The following PXDNL variants were observed in gnomAD, a reference collection of about 807,000 sequenced individuals.
The protein encoded by PXDNL is peroxidasin like, also known as probable oxidoreductase PXDNL.
PXDNL carries 145 observed loss-of-function variants against 150.8 expected under a neutral mutation model. The ratio of observed to expected loss-of-function variants is 0.96; its 90% confidence interval spans 0.84 to 1.10. The LOEUF is 1.10. PXDNL is among the 50% of genes least tolerant of loss of function. The pLI is 0.00. For synonymous variants in PXDNL, 757 were observed against 725.7 expected (o/e 1.04, Z -0.69); for missense variants, 2,087 against 1,873.9 (o/e 1.11, Z -2.10).
chr8:51,670,909 CT>C (rs1815486666), intron 1 of PXDNL, among the ~76,000 whole-genome samples: 1 of 152,166 alleles, frequency 6.6e-6, no homozygotes, highest in South Asian at 2.1e-4. Context: ...CTTAATAATT[CT>C]TACCGATATC....
At chr8:51,578,861 A>T (rs1035482837) in intron 3 of PXDNL, among the ~76,000 whole-genome samples, 3 of 152,028 alleles carry the variant, frequency 2.0e-5, no homozygotes, top group African/African-American at 7.2e-5. Context: ...AGTGGAGGAA[A>T]GAAAGCATCT....
intron 19 of PXDNL, among the ~76,000 whole-genome samples, chr8:51,360,432 A>G (rs1806690925): frequency 6.6e-6 from 1 of 152,220 alleles, no homozygotes; most frequent in African/African-American, 2.4e-5. Context: ...TCATACGTGC[A>G]CATAGCTATA....
intron 2 of PXDNL, among the ~76,000 whole-genome samples, chr8:51,610,552 A>G (rs1554557916): frequency 1.3e-5 from 2 of 152,130 alleles, no homozygotes; most frequent in Non-Finnish European, 2.9e-5. Flanking sequence ...TTAATTTTCT[A>G]TTGCTATATA....
intron 1 of PXDNL, among the ~76,000 whole-genome samples, chr8:51,680,696 G>A (rs1815726004): frequency 6.6e-6 from 1 of 152,172 alleles, no homozygotes; most frequent in South Asian, 2.1e-4. Context: ...CCTGCAGCCG[G>A]GTGGCCAGAC....
chr8:51,460,852 G>A (rs1322322887), intron 8 of PXDNL, among the ~76,000 whole-genome samples: 2 of 152,148 alleles, frequency 1.3e-5, no homozygotes, highest in African/African-American at 2.4e-5. Flanking sequence ...GACCATAGGT[G>A]CCCATGCCCC....
Position 51,472,237 on chromosome 8 carries a change from G to C in PXDNL, c.762C>G (p.Thr254=). The change falls in exon 8 of 23, where the codon ACC becomes ACG. Residue 254 remains threonine, a synonymous_variant. Transcript: ENST00000356297. ...GTTTGGGGTTTCCTTCCGCCCGGCA[G>C]GTGAAGTAGACGGTATTTCCTGATG... ...EVPSGNTVYF[T]CRAEGNPKPE... 1 of 1,613,826 alleles carries C rather than the reference G, an allele frequency of 6.2e-7. No homozygotes were observed. The highest frequency in any genetic ancestry group is 8.5e-7 in the Non-Finnish European group (1 of 1,179,794).
intron 1 of PXDNL, among the ~76,000 whole-genome samples, chr8:51,756,785 TTTTAA>T (rs1027030007): frequency 4.6e-5 from 7 of 152,040 alleles, no homozygotes; most frequent in East Asian, 3.8e-4. Flanking sequence ...TTCTAGATAG[TTTTAA>T]TTTGTTTTTT....
chr8:51,596,829 T>C (rs1273772005), intron 2 of PXDNL, among the ~76,000 whole-genome samples: 2 of 152,166 alleles, frequency 1.3e-5, no homozygotes, highest in African/African-American at 4.8e-5. Context: ...GCACAGTTTG[T>C]AGATATTTTC....
chr8:51,623,207 G>T (rs113047328), intron 2 of PXDNL, among the ~76,000 whole-genome samples: 55 of 152,154 alleles, frequency 3.6e-4, no homozygotes, highest in African/African-American at 1.3e-3. Context: ...TGGAGAAAGC[G>T]ATTCCCCAGG....
chr8:51,334,145 T>C (rs1161478361), intron 21 of PXDNL, among the ~76,000 whole-genome samples: 3 of 96,128 alleles, frequency 3.1e-5, no homozygotes, highest in Non-Finnish European at 7.3e-5. Context: ...GGAATAAAAT[T>C]GGAAATCAAT....
intron 19 of PXDNL, among the ~76,000 whole-genome samples, chr8:51,348,740 C>T (rs1217270727): frequency 6.6e-6 from 1 of 152,058 alleles, no homozygotes; most frequent in Non-Finnish European, 1.5e-5. Context: ...TGAAACTTTA[C>T]AATAACCTAT....
intron 5 of PXDNL, among the ~76,000 whole-genome samples, chr8:51,485,304 TA>T (rs1247461036): frequency 6.6e-6 from 1 of 152,176 alleles, no homozygotes; most frequent in African/African-American, 2.4e-5. Context: ...CGGCCCCATC[TA>T]ATTTACCCAA....
At chr8:51,800,301 T>C (rs1337998689) in intron 1 of PXDNL, among the ~76,000 whole-genome samples, 1 of 152,232 alleles carries the variant, frequency 6.6e-6, no homozygotes, top group Non-Finnish European at 1.5e-5. Flanking sequence ...TTTATGTTAA[T>C]ATATTTTATA....
At position 51,731,641 on chromosome 8, in the gene PXDNL, C is replaced by A. The variant is rs189713258; in HGVS notation, c.165-76881G>T. Among the ~76,000 whole-genome samples the A allele has an allele frequency of 3.3e-3, 503 of 152,350 alleles. 1 individual carries two copies. The highest frequency in any genetic ancestry group is 6.4e-3 in the Admixed American group (98 of 15,310). On this transcript the variant is annotated intron_variant, in intron 1 of 22. Coordinates refer to ENST00000356297, the MANE Select transcript of PXDNL (RefSeq NM_144651.5). ...CTAGCAGAGGTTCTCCATTAGGGCT[C>A]TGCCCTGCAGCACACCTATGCCTGG...
In PXDNL at chr8:51,615,052, G is replaced by A. The variant is rs539011229; in HGVS notation, c.237-22354C>T. Among the ~76,000 whole-genome samples the A allele has an allele frequency of 3.9e-5, 6 of 152,244 alleles. No homozygotes were observed. In the East Asian group the frequency reaches 9.6e-4, roughly 24 times the overall value. The stretch of plus-strand genomic sequence containing the variant: ...ATATTATGTTCATAGAAAATCAAAT[G>A]CAGATTTTCATACCTTTTCCTGTGA... On this transcript the variant is annotated intron_variant, in intron 2 of 22. Transcript: ENST00000356297.
chr8:51,513,661 A>G (rs1404548454), intron 4 of PXDNL, among the ~76,000 whole-genome samples: 2 of 152,226 alleles, frequency 1.3e-5, no homozygotes, highest in African/African-American at 4.8e-5. Flanking sequence ...AGAACAACAC[A>G]CTATAGATTA....
rs139484715 is a variant in PXDNL at position 51,332,181 on chromosome 8, C to G, written c.4146+7443G>C. ...CTGTGCAGAAACCACCAGGACCAGC[C>G]AGGAGCTGTGTAGACTCGCTGGATG... On this transcript the variant is annotated intron_variant, in intron 21 of 22. Transcript: ENST00000356297. Among the ~76,000 whole-genome samples, 851 of 152,262 alleles carry G rather than the reference C, an allele frequency of 5.6e-3. 3 individuals are homozygous for G. Among genetic ancestry groups the G allele is most frequent in the Middle Eastern group, 0.034 (10 of 294 alleles).
At chr8:51,689,982 T>C (rs574202580) in intron 1 of PXDNL, among the ~76,000 whole-genome samples, 16 of 152,338 alleles carry the variant, frequency 1.1e-4, no homozygotes, top group Non-Finnish European at 1.9e-4. Flanking sequence ...TAATAAAGAC[T>C]ATATCAGACT....
At chr8:51,611,666 C>T (rs561924175) in intron 2 of PXDNL, among the ~76,000 whole-genome samples, 2 of 152,274 alleles carry the variant, frequency 1.3e-5, no homozygotes, top group African/African-American at 4.8e-5. Context: ...GGAAGTTTCC[C>T]AGGAGGGAGC....
Sources: gnomAD v4.1 joint callset for allele counts (sites outside exome capture counted in the v4.1 genomes callset) on GRCh38, gnomAD v4.1.1 for gene constraint, MANE v1.5 for transcripts, NCBI Gene and HGNC (gene_info 2026-07-23, HGNC 2026-07-21) for gene names.